The following ANO3 variants were observed in gnomAD, a reference collection of about 807,000 sequenced individuals.
ANO3 encodes anoctamin 3, also known as anoctamin-3.
A neutral mutation model predicts 144.8 loss-of-function variants in ANO3; 99 were observed. The observed-to-expected ratio is 0.68, with a 90% CI of 0.58 to 0.81. The LOEUF is 0.81. Ranked by LOEUF, ANO3 falls within the 30% of genes least tolerant of loss-of-function variation. ANO3 has a pLI of 0.00. For synonymous variants in ANO3, 414 were observed against 392.6 expected, an observed-to-expected ratio of 1.05 and a Z score of -0.64; for missense variants, 905 against 1,202.2, an observed-to-expected ratio of 0.75 and a Z score of 3.66.
intron 1 of ANO3, among the ~76,000 whole-genome samples, chr11:26,218,186 T>C (rs1285164397): frequency 2.0e-5 from 3 of 152,168 alleles, no homozygotes; most frequent in African/African-American, 7.2e-5. Context: ...CTGGCTTCAC[T>C]ATATGCCAAA....
At chr11:26,642,342 C>CTTTTTTT (rs576729432) in intron 22 of ANO3, among the ~76,000 whole-genome samples, 26 of 93,050 alleles carry the variant, frequency 2.8e-4, no homozygotes, top group African/African-American at 5.0e-4. Flanking sequence ...TTCTTTCTTT[C>CTTTTTTT]TTTTTTTTTT....
chr11:26,288,264 CTTGCTT>C (rs1360564473), intron 1 of ANO3, among the ~76,000 whole-genome samples: 1 of 152,128 alleles, frequency 6.6e-6, no homozygotes, highest in Non-Finnish European at 1.5e-5. Flanking sequence ...CTTTTAATTA[CTTGCTT>C]TTAAGATAAA....
intron 1 of ANO3, among the ~76,000 whole-genome samples, chr11:26,399,417 T>C (rs1312336683): frequency 6.6e-6 from 1 of 151,860 alleles, no homozygotes; most frequent in Non-Finnish European, 1.5e-5. Context: ...CCATTAAATA[T>C]GAACTTTTCA....
At chr11:26,563,347 C>A in intron 14 of ANO3, 2 of 1,345,634 alleles carry the variant, frequency 1.5e-6, no homozygotes, top group Non-Finnish European at 2.0e-6. Flanking sequence ...TTCCATATAA[C>A]AAAGAATGTT....
chr11:26,519,613 C>T (rs1861989518), intron 6 of ANO3, among the ~76,000 whole-genome samples: 1 of 152,114 alleles, frequency 6.6e-6, no homozygotes, highest in Non-Finnish European at 1.5e-5. Flanking sequence ...TGGGTTGTAT[C>T]CTCACATGGT....
intron 26 of ANO3, among the ~76,000 whole-genome samples, chr11:26,658,786 A>G (rs1344289470): frequency 1.3e-5 from 2 of 152,148 alleles, no homozygotes; most frequent in African/African-American, 2.4e-5. Flanking sequence ...TTGCTTTTAT[A>G]TGGAAAAATA....
chr11:26,624,312 T>C (rs1430909380), intron 17 of ANO3, 150 bp from the exon 18 acceptor site: 1 of 569,040 alleles, frequency 1.8e-6, no homozygotes. Context: ...ATATAAAGCC[T>C]TACATACTAA....
intron 14 of ANO3, among the ~76,000 whole-genome samples, chr11:26,576,182 T>G (rs992154790): frequency 1.3e-5 from 2 of 152,218 alleles, no homozygotes; most frequent in Middle Eastern, 3.2e-3. Context: ...TTTTGAATCC[T>G]GGTTTTGCCA....
At chr11:26,530,459 GTCTATCTATCTATCTA>G (rs543380394) in intron 7 of ANO3, among the ~76,000 whole-genome samples, 4 of 123,950 alleles carry the variant, frequency 3.2e-5, no homozygotes, top group African/African-American at 5.9e-5. Flanking sequence ...CTATCTGTCT[GTCTATCTATCTATCTA>G]TCTATCTATC....
intron 1 of ANO3, among the ~76,000 whole-genome samples, chr11:26,339,316 G>C (rs139411774): frequency 6.6e-6 from 1 of 151,978 alleles, no homozygotes; most frequent in Non-Finnish European, 1.5e-5. Context: ...CACCATGCCC[G>C]CATAATTTTT....
chr11:26,489,468 C>G (rs899512794), intron 4 of ANO3, among the ~76,000 whole-genome samples: 1 of 152,210 alleles, frequency 6.6e-6, no homozygotes, highest in African/African-American at 2.4e-5. Context: ...AACGTAGTCT[C>G]TACTGGGGCA....
At chr11:26,207,155 T>C (rs1047917530) in intron 1 of ANO3, among the ~76,000 whole-genome samples, 1 of 152,170 alleles carries the variant, frequency 6.6e-6, no homozygotes, top group Non-Finnish European at 1.5e-5. Context: ...AATAAGACTA[T>C]ATTGCATACG....
intron 14 of ANO3, among the ~76,000 whole-genome samples, chr11:26,564,696 C>T (rs1434347600): frequency 0.029 from 949 of 32,572 alleles, 118 homozygotes; most frequent in East Asian, 0.068. Context: ...TATATATACA[C>T]ACACACACAC....
chr11:26,290,455 T>C (rs1450353122), intron 1 of ANO3, among the ~76,000 whole-genome samples: 1 of 152,172 alleles, frequency 6.6e-6, no homozygotes, highest in Non-Finnish European at 1.5e-5. Context: ...CTGCTAGCTT[T>C]TGAATGTGTT....
chr11:26,442,166 A>G, intron 2 of ANO3, 54 bp downstream of exon 2: 1 of 1,542,026 alleles, frequency 6.5e-7, no homozygotes, highest in Non-Finnish European at 8.8e-7. Flanking sequence ...CGTGTTTTCC[A>G]AACACTCCTT....
At chr11:26,254,638 A>G (rs1853014163) in intron 1 of ANO3, among the ~76,000 whole-genome samples, 1 of 152,176 alleles carries the variant, frequency 6.6e-6, no homozygotes. Flanking sequence ...CACTCTGTTT[A>G]CCCTTTAAAT....
chr11:26,584,487 G>A (rs934452021), intron 14 of ANO3, among the ~76,000 whole-genome samples: 3 of 152,020 alleles, frequency 2.0e-5, no homozygotes, highest in Non-Finnish European at 2.9e-5. Flanking sequence ...TGAAAACCTG[G>A]AATAATGGAA....
At chr11:26,302,740 G>A (rs545100833) in intron 1 of ANO3, among the ~76,000 whole-genome samples, 1 of 152,192 alleles carries the variant, frequency 6.6e-6, no homozygotes, top group East Asian at 1.9e-4. Flanking sequence ...TTAATATTCT[G>A]TAATATATTT....
intron 1 of ANO3, among the ~76,000 whole-genome samples, chr11:26,316,082 C>A (rs1420438934): frequency 2.0e-5 from 3 of 152,184 alleles, no homozygotes; most frequent in Non-Finnish European, 2.9e-5. Context: ...TTTGTGGCTG[C>A]ATATTTACCC....
Sources: allele counts gnomAD v4.1 joint callset (sites outside exome capture counted in the v4.1 genomes callset), GRCh38; gene constraint gnomAD v4.1.1; transcripts MANE v1.5; gene names NCBI Gene and HGNC (gene_info 2026-07-23, HGNC 2026-07-21).